The following ATP10D variants were observed in gnomAD, a reference collection of about 807,000 sequenced individuals.
The protein encoded by ATP10D is phospholipid-transporting ATPase VD.
In ATP10D, 89 loss-of-function variants were observed where a neutral mutation model predicts 144.8. The observed-to-expected ratio is 0.61, with a 90% confidence interval of 0.52 to 0.73. The LOEUF (loss-of-function observed/expected upper bound fraction) is 0.73, where lower values mean the gene tolerates loss of function less well. Ranked by LOEUF, ATP10D falls within the 30% of genes least tolerant of loss-of-function variation. ATP10D has a pLI of 0.00. For synonymous variants in ATP10D, 571 were observed against 615.1 expected (o/e 0.93, Z 1.06); for missense variants, 1,603 against 1,714.8 (o/e 0.93, Z 1.15).
At chr4:47,567,772 TTA>T (rs1219095060) in intron 15 of ATP10D, among the ~76,000 whole-genome samples, 2 of 152,208 alleles carry the variant, frequency 1.3e-5, no homozygotes, top group South Asian at 4.1e-4. Flanking sequence ...ACAAGAGTGT[TTA>T]TAGTTTTTGT....
At chr4:47,540,426 C>A (rs1718079546) in intron 9 of ATP10D, among the ~76,000 whole-genome samples, 1 of 152,170 alleles carries the variant, frequency 6.6e-6, no homozygotes, top group African/African-American at 2.4e-5. Context: ...GAAACTCAGA[C>A]CCCTCTTCAG....
intron 14 of ATP10D, among the ~76,000 whole-genome samples, chr4:47,562,474 C>A (rs1004701765): frequency 5.5e-4 from 83 of 152,212 alleles, no homozygotes; most frequent in Middle Eastern, 6.8e-3. Flanking sequence ...CAGACAAATG[C>A]AAATTAAAAC....
rs73813586 is a variant in ATP10D, at chr4:47,547,965, G to A, written c.1635+1103G>A. The stretch of plus-strand genomic sequence containing the variant: ...CCAACTTTTGAAATGGAAGAAGAAT[G>A]TACACAGTTCATTCTGTGTACTCAT... On this transcript the variant is annotated intron_variant, in intron 10 of 22. Coordinates refer to ENST00000273859, the MANE Select transcript of ATP10D (RefSeq NM_020453.4). Among the ~76,000 whole-genome samples, 897 of 152,252 alleles carry A rather than the reference G, an allele frequency of 5.9e-3. 9 individuals are homozygous for A. Among genetic ancestry groups the A allele is most frequent in the African/African-American group, 0.02 (849 of 41,554 alleles).
chr4:47,565,984 A>G (rs1279889897), intron 15 of ATP10D, among the ~76,000 whole-genome samples: 1 of 152,236 alleles, frequency 6.6e-6, no homozygotes, highest in Non-Finnish European at 1.5e-5. Context: ...AAAGCCAGGC[A>G]CATAGTATGG....
At chr4:47,553,537 T>A (rs1217719061) in intron 10 of ATP10D, among the ~76,000 whole-genome samples, 1 of 152,226 alleles carries the variant, frequency 6.6e-6, no homozygotes, top group Non-Finnish European at 1.5e-5. Flanking sequence ...ATTAAATGAC[T>A]TAGGTTCCTG....
chr4:47,501,459 C>T (rs1184676599), intron 1 of ATP10D, among the ~76,000 whole-genome samples: 1 of 152,096 alleles, frequency 6.6e-6, no homozygotes, highest in African/African-American at 2.4e-5. Flanking sequence ...ATGCCTTTAG[C>T]GTTTTTCTCT....
chr4:47,496,447 G>A (rs910072241), intron 1 of ATP10D, among the ~76,000 whole-genome samples: 4 of 151,950 alleles, frequency 2.6e-5, no homozygotes, highest in African/African-American at 9.7e-5. Context: ...GTGAGCCACC[G>A]CGCCCGGCTG....
intron 21 of ATP10D, among the ~76,000 whole-genome samples, chr4:47,584,722 T>C (rs1720697963): frequency 6.6e-6 from 1 of 152,066 alleles, no homozygotes; most frequent in South Asian, 2.1e-4. Context: ...GATAAAAAAT[T>C]GGAGCAAAAT....
In ATP10D at chr4:47,523,204, A is replaced by G. The variant is rs1577643024; in HGVS notation, c.678A>G (p.Gly226=). 6.2e-7 allele frequency: 1 copy of G among 1,613,904 alleles called. No individual in the cohort carries two copies. ...TAAAACAGAGGCAGGTGGTTCGGGG[A>G]TATGCAGAACAGGTAAGTCATATGT... ...SNLKQRQVVR[G]YAEQDSEVDP... Residue 226 remains glycine (G), a synonymous_variant, in exon 4 of 23, where the codon GGA becomes GGG. Transcript: ENST00000273859.
chr4:47,517,196 A>T (rs1716735512), intron 3 of ATP10D, among the ~76,000 whole-genome samples: 1 of 152,014 alleles, frequency 6.6e-6, no homozygotes, highest in Non-Finnish European at 1.5e-5. Context: ...GCTGGATTGC[A>T]TGAGTTCAGG....
chr4:47,544,542 G>A (rs1485375483), intron 9 of ATP10D, among the ~76,000 whole-genome samples: 3 of 152,300 alleles, frequency 2.0e-5, no homozygotes, highest in African/African-American at 7.2e-5. Flanking sequence ...ATTATATGAT[G>A]AGACTTGCAG....
chr4:47,574,661 T>C (rs1197437190), intron 18 of ATP10D, among the ~76,000 whole-genome samples: 6 of 152,206 alleles, frequency 3.9e-5, no homozygotes, highest in Admixed American at 3.3e-4. Flanking sequence ...CCGAAGCAGA[T>C]AGATCACGAG....
chr4:47,499,998 T>C (rs1312496525), intron 1 of ATP10D, among the ~76,000 whole-genome samples: 1 of 152,232 alleles, frequency 6.6e-6, no homozygotes, highest in African/African-American at 2.4e-5. Context: ...CTACATACCA[T>C]GAAATGCCTG....
chr4:47,506,354 A>G (rs759622495), intron 1 of ATP10D, among the ~76,000 whole-genome samples: 87 of 142,108 alleles, frequency 6.1e-4, no homozygotes, highest in Middle Eastern at 3.5e-3. Context: ...AACAGTAATT[A>G]TTATTAAAGT....
intron 9 of ATP10D, among the ~76,000 whole-genome samples, chr4:47,545,352 G>T (rs900952136): frequency 1.1e-4 from 16 of 152,168 alleles, no homozygotes; most frequent in African/African-American, 3.9e-4. Flanking sequence ...GAATTGTAAA[G>T]CTACTGGAGT....
chr4:47,548,274 C>T (rs538392647), intron 10 of ATP10D, among the ~76,000 whole-genome samples: 19 of 152,284 alleles, frequency 1.2e-4, no homozygotes, highest in Non-Finnish European at 2.6e-4. Flanking sequence ...AAATTTACCT[C>T]ATCTAAAATA....
At chr4:47,511,762 G>T (rs1203774400) in intron 1 of ATP10D, among the ~76,000 whole-genome samples, 1 of 152,136 alleles carries the variant, frequency 6.6e-6, no homozygotes, top group African/African-American at 2.4e-5. Context: ...GGGCACACTC[G>T]CTTGTTAGTG....
At chr4:47,536,618 G>T in intron 8 of ATP10D, 54 bp downstream of exon 8, 1 of 1,603,696 alleles carries the variant, frequency 6.2e-7, no homozygotes, top group Non-Finnish European at 8.5e-7. Context: ...TGCTTATCCA[G>T]CTATGTTCAG....
intron 5 of ATP10D, among the ~76,000 whole-genome samples, chr4:47,528,816 C>G (rs899149325): frequency 6.6e-6 from 1 of 152,048 alleles, no homozygotes; most frequent in African/African-American, 2.4e-5. Flanking sequence ...TTGCCAACAT[C>G]TGTTATTTTT....
Sources: gnomAD v4.1 joint callset for allele counts (sites outside exome capture counted in the v4.1 genomes callset) on GRCh38, gnomAD v4.1.1 for gene constraint, MANE v1.5 for transcripts, NCBI Gene and HGNC (gene_info 2026-07-23, HGNC 2026-07-21) for gene names.